The following CDH8 variants were observed in gnomAD, a reference collection of about 807,000 sequenced individuals.
The protein encoded by CDH8 is cadherin 8, also known as cadherin-8.
CDH8 carries 17 observed loss-of-function variants against 68.1 expected under a neutral mutation model. The observed-to-expected ratio is 0.25, with a 90% confidence interval of 0.17 to 0.37. The LOEUF is 0.37. Among genes scored for constraint, CDH8 ranks in the 10% least tolerant of loss-of-function variants. CDH8 has a pLI of 1.00. For missense variants in CDH8, 763 were observed against 999.3 expected, an observed-to-expected ratio of 0.76 and a Z score of 3.19; for synonymous variants, 372 against 365.1, an observed-to-expected ratio of 1.02 and a Z score of -0.21.
chr16:61,816,686 A>G (rs73564351), intron 7 of CDH8, among the ~76,000 whole-genome samples: 4,738 of 152,238 alleles, frequency 0.031, 238 homozygotes, highest in African/African-American at 0.11. Flanking sequence ...GTGTGCTTTC[A>G]GGAGAAAGCT....
At chr16:61,830,265 G>A (rs1426514108) in intron 4 of CDH8, among the ~76,000 whole-genome samples, 1 of 151,810 alleles carries the variant, frequency 6.6e-6, no homozygotes, top group Non-Finnish European at 1.5e-5. Flanking sequence ...TGTTTGGTAT[G>A]AAATGCCACC....
intron 7 of CDH8, among the ~76,000 whole-genome samples, chr16:61,816,447 C>T (rs1384752791): frequency 6.6e-6 from 1 of 152,088 alleles, no homozygotes; most frequent in Non-Finnish European, 1.5e-5. Flanking sequence ...GCAGGTCTGC[C>T]CTAGTTATTT....
At chr16:61,966,574 A>G (rs923124972) in intron 2 of CDH8, among the ~76,000 whole-genome samples, 3 of 152,068 alleles carry the variant, frequency 2.0e-5, no homozygotes, top group Admixed American at 1.3e-4. Flanking sequence ...AATGAAAAGA[A>G]TGTGGTTATT....
chr16:61,682,153 T>A (rs547839035), intron 10 of CDH8, among the ~76,000 whole-genome samples: 3 of 152,046 alleles, frequency 2.0e-5, no homozygotes, highest in East Asian at 3.9e-4. Flanking sequence ...TCTAAGCCAA[T>A]GTTTCAAGTA....
chr16:61,959,306 A>G (rs1313377292), intron 2 of CDH8, among the ~76,000 whole-genome samples: 1 of 152,140 alleles, frequency 6.6e-6, no homozygotes, highest in South Asian at 2.1e-4. Flanking sequence ...AAAAGACATC[A>G]TTTAACATAC....
At chr16:61,919,348 C>T (rs1964317631) in intron 2 of CDH8, among the ~76,000 whole-genome samples, 1 of 148,090 alleles carries the variant, frequency 6.8e-6, no homozygotes, top group Non-Finnish European at 1.5e-5. Context: ...AAGAAGGCTT[C>T]AGACGATCAA....
intron 2 of CDH8, among the ~76,000 whole-genome samples, chr16:61,930,122 A>G (rs772135102): frequency 2.6e-5 from 4 of 152,178 alleles, no homozygotes; most frequent in Non-Finnish European, 5.9e-5. Context: ...GAGAGCTGAA[A>G]AACAACTACT....
chr16:61,700,225 A>C (rs752939527), intron 10 of CDH8, among the ~76,000 whole-genome samples: 16 of 151,396 alleles, frequency 1.1e-4, no homozygotes, highest in Admixed American at 2.0e-4. Flanking sequence ...TTTCCTTTGG[A>C]TATACACCCA....
At chr16:61,688,713 T>C (rs1431440405) in intron 10 of CDH8, among the ~76,000 whole-genome samples, 1 of 151,930 alleles carries the variant, frequency 6.6e-6, no homozygotes, top group Non-Finnish European at 1.5e-5. Context: ...TGTCGTCTAC[T>C]GAGAGACCTC....
rs144285095 is a variant in CDH8, at chr16:61,732,729, G to C, written c.1415-5514C>G. Among the ~76,000 whole-genome samples, 11 of 151,876 alleles carry C rather than the reference G, an allele frequency of 7.2e-5. No individual in the cohort carries two copies. The East Asian group carries it at 2.1e-3, about 29-fold the overall frequency. ...TAAAGGTAATTATGCCCTTATAAAAGACTGTATAAATCCACATTACTCCTC... is the reference window on the plus strand; with the variant it reads ...TAAAGGTAATTATGCCCTTATAAAACACTGTATAAATCCACATTACTCCTC... On this transcript the variant is annotated intron_variant, in intron 8 of 11. Coordinates refer to ENST00000577390, the MANE Select transcript of CDH8 (RefSeq NM_001796.5).
intron 2 of CDH8, among the ~76,000 whole-genome samples, chr16:61,917,208 T>C (rs892063403): frequency 2.2e-5 from 3 of 137,974 alleles, no homozygotes; most frequent in Non-Finnish European, 4.7e-5. Flanking sequence ...GTTTTAGTCA[T>C]CTATAGGTAA....
intron 1 of CDH8, among the ~76,000 whole-genome samples, chr16:62,023,994 C>A (rs1902136404): frequency 1.3e-5 from 2 of 152,118 alleles, no homozygotes; most frequent in African/African-American, 2.4e-5. Flanking sequence ...CGTGCACCAC[C>A]ATGCCTGGCT....
At chr16:61,842,079 T>C in intron 4 of CDH8, among the ~76,000 whole-genome samples, 1 of 151,384 alleles carries the variant, frequency 6.6e-6, no homozygotes, top group Non-Finnish European at 1.5e-5. Context: ...TTTGTATTTT[T>C]TGTATTTTTA....
intron 4 of CDH8, among the ~76,000 whole-genome samples, chr16:61,846,599 G>C (rs954303631): frequency 1.3e-5 from 2 of 152,040 alleles, no homozygotes; most frequent in African/African-American, 4.8e-5. Context: ...TGACAGAAGT[G>C]GTCAGAAAAC....
At chr16:61,981,673 T>C (rs578161323) in intron 2 of CDH8, among the ~76,000 whole-genome samples, 22 of 151,462 alleles carry the variant, frequency 1.5e-4, no homozygotes, top group African/African-American at 4.9e-4. Flanking sequence ...TGTGTGTGTG[T>C]GTGTGTGTGC....
chr16:61,711,751 A>T (rs1454327872), intron 10 of CDH8: 4 of 151,698 alleles, frequency 2.6e-5, no homozygotes, highest in Non-Finnish European at 5.9e-5. Context: ...TTGGATCCTA[A>T]ATCCAAAATC....
chr16:61,926,682 G>T (rs1196823467), intron 2 of CDH8, among the ~76,000 whole-genome samples: 1 of 152,172 alleles, frequency 6.6e-6, no homozygotes, highest in Non-Finnish European at 1.5e-5. Flanking sequence ...ACTGTTAAAG[G>T]ATTCATAATT....
At chr16:61,960,962 T>C (rs989509794) in intron 2 of CDH8, among the ~76,000 whole-genome samples, 3 of 152,098 alleles carry the variant, frequency 2.0e-5, no homozygotes, top group African/African-American at 7.2e-5. Context: ...TCCCTGCTTC[T>C]CCTCCTGTCT....
intron 8 of CDH8, among the ~76,000 whole-genome samples, chr16:61,771,221 C>T (rs1025963312): frequency 1.3e-5 from 2 of 151,788 alleles, no homozygotes; most frequent in African/African-American, 4.8e-5. Context: ...CCTGTCTTAT[C>T]TTCTTTTTAT....
Sources: gnomAD v4.1 joint callset for allele counts (sites outside exome capture counted in the v4.1 genomes callset) on GRCh38, gnomAD v4.1.1 for gene constraint, MANE v1.5 for transcripts, NCBI Gene and HGNC (gene_info 2026-07-23, HGNC 2026-07-21) for gene names.